Variants in HACE1 observed in about 807,000 individuals in gnomAD.
HACE1 encodes the protein HECT domain and ankyrin repeat containing E3 ubiquitin protein ligase 1, also known as E3 ubiquitin-protein ligase HACE1.
A neutral mutation model predicts 118.4 loss-of-function variants in HACE1; 73 were observed. The ratio of observed to expected loss-of-function variants is 0.62; its 90% CI spans 0.51 to 0.75. The LOEUF (loss-of-function observed/expected upper bound fraction) is 0.75, where lower values mean the gene tolerates loss of function less well. Ranked by LOEUF, HACE1 falls within the 30% of genes least tolerant of loss-of-function variation. The pLI is 0.00. For missense variants in HACE1, 749 were observed against 1,102.2 expected, an observed-to-expected ratio of 0.68 and a Z score of 4.54; for synonymous variants, 368 against 374.8, an observed-to-expected ratio of 0.98 and a Z score of 0.21.
At chr6:104,749,081 G>A (rs1777756865) in intron 20 of HACE1, among the ~76,000 whole-genome samples, 1 of 152,054 alleles carries the variant, frequency 6.6e-6, no homozygotes, top group Non-Finnish European at 1.5e-5. Context: ...AAATTACAAG[G>A]CAAAGTTTTC....
At chr6:104,757,192 A>G (rs1778814237) in intron 19 of HACE1, among the ~76,000 whole-genome samples, 1 of 152,212 alleles carries the variant, frequency 6.6e-6, no homozygotes, top group Non-Finnish European at 1.5e-5. Flanking sequence ...TCCCTGCCTG[A>G]CAGCTCTGAA....
intron 22 of HACE1, among the ~76,000 whole-genome samples, chr6:104,740,237 C>G (rs1180687459): frequency 1.4e-5 from 2 of 146,086 alleles, no homozygotes; most frequent in Admixed American, 1.4e-4. Context: ...AATTGACACC[C>G]TAACATCACA....
chr6:104,738,561 G>T (rs933148055), intron 22 of HACE1, among the ~76,000 whole-genome samples: 2 of 149,088 alleles, frequency 1.3e-5, no homozygotes, highest in African/African-American at 5.1e-5. Flanking sequence ...AGGAAGAAAG[G>T]GTATCAGCGA....
At chr6:104,821,577 T>G (rs1435549576) in intron 6 of HACE1, among the ~76,000 whole-genome samples, 1 of 152,182 alleles carries the variant, frequency 6.6e-6, no homozygotes, top group Non-Finnish European at 1.5e-5. Context: ...TAATAAGCAT[T>G]TATCATTTCA....
Position 104,784,073 on chromosome 6 carries a change from G to C in HACE1, c.1566+13C>G, listed in dbSNP as rs749570400. ...TCATTAGATAGAATAAAAAGATGAAGAAAAATTTCTACCTGTGCTTTTATG... is the reference window on the plus strand; with the variant it reads ...TCATTAGATAGAATAAAAAGATGAACAAAAATTTCTACCTGTGCTTTTATG... On this transcript the variant is annotated intron_variant, in intron 14 of 23. Coordinates refer to ENST00000262903, the MANE Select transcript of HACE1 (RefSeq NM_020771.4). The C allele has an allele frequency of 7.2e-7, 1 of 1,393,684 alleles. No homozygotes were observed. Among genetic ancestry groups the C allele is most frequent in the Non-Finnish European group, 1.0e-6 (1 of 979,368 alleles). 86.3% of individuals were successfully genotyped at this position (1,393,684 alleles called of 1,614,324 possible). A position where few individuals can be genotyped will look rare whatever the true frequency, so the allele number is the denominator to read the frequency against.
intron 14 of HACE1, among the ~76,000 whole-genome samples, chr6:104,781,679 G>A (rs1781760125): frequency 6.6e-6 from 1 of 151,960 alleles, no homozygotes; most frequent in African/African-American, 2.4e-5. Context: ...CATGGCCCCT[G>A]CATCCCACTG....
intron 17 of HACE1, 151 bp from the exon 18 acceptor site, chr6:104,772,225 A>C: frequency 1.8e-6 from 1 of 568,208 alleles, no homozygotes; most frequent in South Asian, 2.6e-5. Context: ...TTTGTGGAAA[A>C]TATAACAAGT....
Position 104,850,893 on chromosome 6 carries a change from A to T in HACE1, c.221+14T>A. 2 of 1,482,224 alleles carry T rather than the reference A, an allele frequency of 1.3e-6. No individual in the cohort carries two copies. The highest frequency in any genetic ancestry group is 1.9e-6 in the Non-Finnish European group (2 of 1,059,628). 91.8% of individuals were successfully genotyped at this position (1,482,224 alleles called of 1,614,324 possible). ...CCTAGATCAGAGTTTAACTCAAAAT[A>T]TCTTTAGTCTTACTTTGCTGCAATG... On this transcript the variant is annotated intron_variant, in intron 3 of 23. Transcript: ENST00000262903.
At chr6:104,736,215 A>G (rs1454765928) in intron 22 of HACE1, among the ~76,000 whole-genome samples, 1 of 151,716 alleles carries the variant, frequency 6.6e-6, no homozygotes, top group Admixed American at 6.6e-5. Flanking sequence ...AAAACAAAAA[A>G]AAGTTTTTCT....
chr6:104,804,583 C>A (rs1203470974), intron 7 of HACE1, among the ~76,000 whole-genome samples: 1 of 152,134 alleles, frequency 6.6e-6, no homozygotes, highest in African/African-American at 2.4e-5. Flanking sequence ...TGATCTTTGA[C>A]AAACCTGACA....
At chr6:104,789,501 T>C (rs1298611865) in intron 11 of HACE1, among the ~76,000 whole-genome samples, 1 of 152,126 alleles carries the variant, frequency 6.6e-6, no homozygotes, top group Non-Finnish European at 1.5e-5. Flanking sequence ...GTCTGGGTTC[T>C]ATTTTTTAAA....
chr6:104,774,668 G>T (rs1420786352), intron 17 of HACE1, among the ~76,000 whole-genome samples: 1 of 152,146 alleles, frequency 6.6e-6, no homozygotes, highest in Non-Finnish European at 1.5e-5. Flanking sequence ...ACAGGCATGA[G>T]CCACCGCGCC....
At chr6:104,828,971 G>A (rs77960556) in intron 6 of HACE1, among the ~76,000 whole-genome samples, 7,421 of 152,014 alleles carry the variant, frequency 0.049, 261 homozygotes, top group East Asian at 0.13. Context: ...ATTAGAAGGC[G>A]AATTTCAGAG....
At chr6:104,780,520 T>C (rs941054101) in intron 14 of HACE1, 1 of 295,508 alleles carries the variant, frequency 3.4e-6, no homozygotes, top group African/African-American at 2.2e-5. Context: ...CTTTTTAACT[T>C]TCTAGAGGAG....
intron 12 of HACE1, among the ~76,000 whole-genome samples, chr6:104,784,726 G>A (rs767230193): frequency 6.6e-6 from 1 of 151,924 alleles, no homozygotes; most frequent in Non-Finnish European, 1.5e-5. Context: ...GAAATTTGGT[G>A]CATTTCTGCT....
At chr6:104,808,072 G>A (rs373926678) in intron 7 of HACE1, among the ~76,000 whole-genome samples, 6 of 152,190 alleles carry the variant, frequency 3.9e-5, no homozygotes, top group African/African-American at 1.4e-4. Context: ...TGTAATGCCA[G>A]CTACTCGGGA....
intron 6 of HACE1, among the ~76,000 whole-genome samples, chr6:104,830,137 C>T (rs1253293018): frequency 6.6e-6 from 1 of 152,168 alleles, no homozygotes; most frequent in African/African-American, 2.4e-5. Flanking sequence ...TAGTAAATGA[C>T]ACTCTGCTCA....
intron 2 of HACE1, among the ~76,000 whole-genome samples, chr6:104,851,306 T>C (rs989688902): frequency 6.6e-6 from 1 of 152,146 alleles, no homozygotes; most frequent in African/African-American, 2.4e-5. Context: ...ATGATCTCAA[T>C]CTCTTGACCT....
chr6:104,740,203 C>T (rs1243642167), intron 22 of HACE1, among the ~76,000 whole-genome samples: 3 of 144,382 alleles, frequency 2.1e-5, no homozygotes, highest in African/African-American at 5.5e-5. Flanking sequence ...TAAATGCCCA[C>T]AAGAGAAAGC....
Sources: allele counts gnomAD v4.1 joint callset (sites outside exome capture counted in the v4.1 genomes callset), GRCh38; gene constraint gnomAD v4.1.1; transcripts MANE v1.5; gene names NCBI Gene and HGNC (gene_info 2026-07-23, HGNC 2026-07-21).